Variants in ADGB observed in about 807,000 individuals in gnomAD.
ADGB encodes androglobin, also known as calpain-7-like protein.
Under a neutral mutation model 210.5 loss-of-function variants are expected in ADGB, and 172 were observed. The ratio of observed to expected loss-of-function variants is 0.82; its 90% CI spans 0.72 to 0.93. ADGB has a LOEUF of 0.93. Ranked by LOEUF, ADGB falls within the 40% of genes least tolerant of loss-of-function variation. ADGB has a pLI of 0.00. For synonymous variants in ADGB, 658 were observed against 662.7 expected, an observed-to-expected ratio of 0.99 and a Z score of 0.11; for missense variants, 2,025 against 1,964.8, an observed-to-expected ratio of 1.03 and a Z score of -0.58.
chr6:146,758,949 G>T (rs1201706969), intron 27 of ADGB, among the ~76,000 whole-genome samples: 2 of 151,836 alleles, frequency 1.3e-5, no homozygotes, highest in Non-Finnish European at 2.9e-5. Context: ...TTCAAACAGG[G>T]TGTTGTTTTT....
chr6:146,740,171 T>C (rs1398300104), intron 23 of ADGB, among the ~76,000 whole-genome samples: 2 of 152,188 alleles, frequency 1.3e-5, no homozygotes, highest in East Asian at 3.9e-4. Context: ...GGTTCTGGTT[T>C]TCCCCCTGTA....
rs954195031 is a variant in ADGB, at chr6:146,772,540, C to T, written c.3862+3409C>T. Among the ~76,000 whole-genome samples, 12 of 146,930 alleles carry T rather than the reference C, an allele frequency of 8.2e-5. No homozygotes were observed. In the East Asian group the frequency reaches 1.6e-3, roughly 19 times the overall value. Reference sequence around the variant, plus strand: ...ATAATATACAGTAGTACTGGTTTCACGTCTTTATTTGTGTCTCTGATAGAG... The same window carrying T: ...ATAATATACAGTAGTACTGGTTTCATGTCTTTATTTGTGTCTCTGATAGAG... On this transcript the variant is annotated intron_variant, in intron 29 of 35. Coordinates refer to ENST00000397944, the MANE Select transcript of ADGB (RefSeq NM_024694.4).
rs190416209 is a variant in ADGB at position 146,720,988 on chromosome 6, T to C, written c.1993-415T>C. Among the ~76,000 whole-genome samples the C allele has an allele frequency of 3.7e-3, 558 of 152,250 alleles. 5 individuals carry two copies. The highest frequency in any genetic ancestry group is 6.0e-3 in the Non-Finnish European group (410 of 68,016). On this transcript the variant is annotated intron_variant, in intron 16 of 35. Coordinates refer to ENST00000397944, the MANE Select transcript of ADGB (RefSeq NM_024694.4). Reference sequence around the variant, plus strand: ...TTATTTCACATACCACCCTGTAAAATAAGACATCCAATTGGCCATTCCCAT... The same window carrying C: ...TTATTTCACATACCACCCTGTAAAACAAGACATCCAATTGGCCATTCCCAT...
intron 1 of ADGB, among the ~76,000 whole-genome samples, chr6:146,628,727 T>C (rs1781017005): frequency 1.3e-5 from 2 of 152,026 alleles, no homozygotes; most frequent in African/African-American, 4.8e-5. Context: ...TAGTTATCCT[T>C]CGAGGCATGT....
At chr6:146,691,500 ATTTTTTT>A (rs71031007) in intron 11 of ADGB, among the ~76,000 whole-genome samples, 1 of 13,646 alleles carries the variant, frequency 7.3e-5, no homozygotes, top group Non-Finnish European at 1.0e-4. Flanking sequence ...ATATATATAT[ATTTTTTT>A]TTTTTTTTTT....
At chr6:146,772,018 G>A (rs546233242) in intron 29 of ADGB, among the ~76,000 whole-genome samples, 3 of 152,182 alleles carry the variant, frequency 2.0e-5, no homozygotes, top group African/African-American at 7.2e-5. Context: ...TATTATAATA[G>A]CGTGTTATAC....
chr6:146,807,007 C>T (rs1778221618), intron 35 of ADGB, among the ~76,000 whole-genome samples: 1 of 152,136 alleles, frequency 6.6e-6, no homozygotes. Flanking sequence ...TCAAGTATAG[C>T]TCATATATTT....
intron 35 of ADGB, chr6:146,803,281 A>G: frequency 3.7e-6 from 6 of 1,605,618 alleles, no homozygotes; most frequent in Non-Finnish European, 5.1e-6. Flanking sequence ...TCAGAAAAAA[A>G]CCCACTATAT....
At chr6:146,799,951 A>G (rs1778101716) in intron 33 of ADGB, among the ~76,000 whole-genome samples, 1 of 151,890 alleles carries the variant, frequency 6.6e-6, no homozygotes, top group African/African-American at 2.4e-5. Flanking sequence ...CTGGGATTAC[A>G]GGCAGCTGCC....
At chr6:146,634,165 G>A (rs1456747124) in intron 1 of ADGB, among the ~76,000 whole-genome samples, 1 of 152,112 alleles carries the variant, frequency 6.6e-6, no homozygotes, top group Non-Finnish European at 1.5e-5. Context: ...AGTAACAGCT[G>A]TACAGGTTTA....
rs1030649299 is a variant in ADGB at position 146,644,918 on chromosome 6, C to T, written c.330+53C>T. The T allele has an allele frequency of 1.7e-5, 19 of 1,109,720 alleles. No homozygotes were observed. The African/African-American group carries it at 2.8e-4, about 16-fold the overall frequency. 68.7% of individuals were successfully genotyped at this position (1,109,720 alleles called of 1,614,324 possible). On this transcript the variant is annotated intron_variant, in intron 3 of 35. Coordinates refer to ENST00000397944, the MANE Select transcript of ADGB (RefSeq NM_024694.4). The stretch of plus-strand genomic sequence containing the variant: ...ATACTTACTATGTGGATGTATTATC[C>T]TACTGATAAAAATTTGCATTTTTTG...
chr6:146,671,056 T>C (rs1410471526), intron 7 of ADGB, among the ~76,000 whole-genome samples: 1 of 152,136 alleles, frequency 6.6e-6, no homozygotes, highest in Non-Finnish European at 1.5e-5. Context: ...GGTTCTGCAT[T>C]ATGTGCTATG....
rs140294590 is a variant in ADGB at position 146,788,026 on chromosome 6, A to C, written c.4316-363A>C. 7.4e-3 allele frequency among the ~76,000 whole-genome samples: 1,133 copies of C among 152,264 alleles called. 10 individuals carry two copies. Among genetic ancestry groups the C allele is most frequent in the African/African-American group, 0.026 (1,064 of 41,546 alleles). ...TGCATACAGGGATCCCCCTGCAGAG[A>C]GGAACACCCTATCTATTATGAAGCA... On this transcript the variant is annotated intron_variant, in intron 32 of 35. Transcript: ENST00000397944.
chr6:146,705,287 C>T (rs201219689), intron 13 of ADGB, among the ~76,000 whole-genome samples: 1 of 151,656 alleles, frequency 6.6e-6, no homozygotes, highest in African/African-American at 2.4e-5. Context: ...TTTATTTTGC[C>T]TAATTGCTCT....
intron 35 of ADGB, 111 bp from the exon 36 acceptor site, chr6:146,814,921 C>T: frequency 1.0e-6 from 1 of 997,368 alleles, no homozygotes; most frequent in Non-Finnish European, 1.4e-6. Flanking sequence ...ATCATTTTGC[C>T]TATGAATGTG....
At chr6:146,602,399 A>G (rs1044186775) in intron 1 of ADGB, among the ~76,000 whole-genome samples, 3 of 152,192 alleles carry the variant, frequency 2.0e-5, no homozygotes, top group African/African-American at 4.8e-5. Context: ...TTACAGTAAA[A>G]TGTTTAAAAC....
chr6:146,625,414 C>G (rs1281950340), intron 1 of ADGB, among the ~76,000 whole-genome samples: 3 of 151,636 alleles, frequency 2.0e-5, no homozygotes, highest in East Asian at 1.9e-4. Context: ...TTTTTTCATT[C>G]TTTTATTATT....
At chr6:146,735,919 A>G (rs999275795) in intron 22 of ADGB, among the ~76,000 whole-genome samples, 1 of 152,222 alleles carries the variant, frequency 6.6e-6, no homozygotes, top group African/African-American at 2.4e-5. Flanking sequence ...GAGTAAGCAT[A>G]TAATAGACAA....
intron 35 of ADGB, among the ~76,000 whole-genome samples, chr6:146,809,576 A>G (rs945535182): frequency 6.6e-6 from 1 of 152,118 alleles, no homozygotes; most frequent in Non-Finnish European, 1.5e-5. Flanking sequence ...TCCTGAGTTC[A>G]AGAGATCCAC....
Sources: gnomAD v4.1 joint callset for allele counts (sites outside exome capture counted in the v4.1 genomes callset) on GRCh38, gnomAD v4.1.1 for gene constraint, MANE v1.5 for transcripts, NCBI Gene and HGNC (gene_info 2026-07-23, HGNC 2026-07-21) for gene names.